The following BRDT variants were observed in gnomAD, a reference collection of about 807,000 sequenced individuals.
BRDT encodes the protein bromodomain testis associated.
Under a neutral mutation model 113.9 loss-of-function variants are expected in BRDT, and 77 were observed. That is an observed-to-expected ratio of 0.68 (90% CI 0.56 to 0.82). The LOEUF (loss-of-function observed/expected upper bound fraction) is 0.82, where lower values mean the gene tolerates loss of function less well. BRDT is among the 40% of genes least tolerant of loss of function. BRDT has a pLI of 0.00. For missense variants in BRDT, 1,027 were observed against 1,105.4 expected (o/e 0.93, Z 1.01); for synonymous variants, 358 against 366.5 (o/e 0.98, Z 0.26).
intron 8 of BRDT, among the ~76,000 whole-genome samples, chr1:91,980,376 A>C (rs1684603354): frequency 6.6e-6 from 1 of 152,226 alleles, no homozygotes; most frequent in Non-Finnish European, 1.5e-5. Flanking sequence ...CAAAAAACTT[A>C]AGACCACCTG....
At chr1:91,990,660 C>T (rs1336903732) in intron 12 of BRDT, among the ~76,000 whole-genome samples, 1 of 152,138 alleles carries the variant, frequency 6.6e-6, no homozygotes, top group Non-Finnish European at 1.5e-5. Flanking sequence ...GACATTTACT[C>T]TACTATAGGA....
rs781412262 is a variant in BRDT, at chr1:92,005,124, T to G, written c.2600T>G (p.Leu867Arg). ...LKASQENQRD[L>R]GNGLTVESFS... ...CTATACTTTTTTTCTTTAAGGGATCTTGGGAATGGATTGACTGTAGAATCT... is the reference window on the plus strand; with the variant it reads ...CTATACTTTTTTTCTTTAAGGGATCGTGGGAATGGATTGACTGTAGAATCT... The change falls in exon 18 of 19, where the codon CTT (leucine) becomes CGT (arginine). Residue 867 changes from leucine (L) to arginine (R), a missense_variant. Transcript: ENST00000399546. 4.1e-6 allele frequency: 6 copies of G among 1,480,554 alleles called. No homozygotes were observed. The South Asian group carries it at 8.9e-5, about 22-fold the overall frequency. 91.7% of individuals were successfully genotyped at this position (1,480,554 alleles called of 1,614,324 possible). A position where few individuals can be genotyped will look rare whatever the true frequency, so the allele number is the denominator to read the frequency against.
At chr1:91,984,456 C>T (rs919126331) in intron 12 of BRDT, among the ~76,000 whole-genome samples, 2 of 152,058 alleles carry the variant, frequency 1.3e-5, no homozygotes, top group Admixed American at 6.5e-5. Context: ...TAGTAACATT[C>T]TCAAGGAACA....
At chr1:91,964,525 C>T (rs1032648385) in intron 2 of BRDT, 102 bp from the exon 3 acceptor site, 18 of 703,940 alleles carry the variant, frequency 2.6e-5, no homozygotes, top group Non-Finnish European at 3.5e-5. Context: ...TAATCAGTTG[C>T]TCTCTCTAGT....
intron 1 of BRDT, among the ~76,000 whole-genome samples, chr1:91,955,126 C>T (rs1016635336): frequency 1.3e-5 from 2 of 152,088 alleles, no homozygotes; most frequent in South Asian, 2.1e-4. Flanking sequence ...AGCATGTTTA[C>T]TTCTGACACT....
At chr1:91,978,061 GTT>G in intron 6 of BRDT, 105 bp from the exon 7 acceptor site, 1 of 1,108,812 alleles carries the variant, frequency 9.0e-7, no homozygotes, top group East Asian at 2.6e-5. Context: ...GTGGACAACT[GTT>G]TTCTGTATAT....
At position 91,991,197 on chromosome 1, in the gene BRDT, G is replaced by A. The variant is rs914439542; in HGVS notation, c.2016G>A (p.Lys672=). 11 of 1,536,678 alleles carry A rather than the reference G, an allele frequency of 7.2e-6. No homozygotes were observed. In the African/African-American group the frequency reaches 1.5e-4, roughly 21 times the overall value. The part of the protein sequence containing the change: ...SSDSESEMFP[K]FTEVKPNDSP... ...ATACATTTGCAGAAATGTTCCCTAA[G>A]TTTACAGAAGTAAAACCAAATGATT... Residue 672 remains lysine (K), a synonymous_variant, in exon 13 of 19, where the codon AAG becomes AAA. Coordinates refer to ENST00000399546, the MANE Select transcript of BRDT (RefSeq NM_207189.4).
intron 7 of BRDT, among the ~76,000 whole-genome samples, chr1:91,978,723 C>G (rs752613849): frequency 6.6e-6 from 1 of 151,986 alleles, no homozygotes; most frequent in Non-Finnish European, 1.5e-5. Flanking sequence ...TGTGCTGGCC[C>G]GGCGCGGTGG....
At chr1:91,976,170 T>C in intron 4 of BRDT, 96 bp from the exon 5 acceptor site, 1 of 1,283,896 alleles carries the variant, frequency 7.8e-7, no homozygotes, top group Non-Finnish European at 1.0e-6. Flanking sequence ...CTTATATTGC[T>C]AAAAAGCTGA....
intron 4 of BRDT, among the ~76,000 whole-genome samples, chr1:91,971,900 C>T (rs756172146): frequency 6.6e-6 from 1 of 151,996 alleles, no homozygotes; most frequent in African/African-American, 2.4e-5. Context: ...TTTCTTGGAT[C>T]ATTAATCTCT....
chr1:91,994,279 T>C lies in BRDT; in HGVS notation c.2287+25T>C, dbSNP rs768714737. ...GGTAAGAAATTAACAAGTAAACAACTGTTATTGAGAAATTGACTTCTAAAC... is the reference window on the plus strand; with the variant it reads ...GGTAAGAAATTAACAAGTAAACAACCGTTATTGAGAAATTGACTTCTAAAC... On this transcript the variant is annotated intron_variant, in intron 15 of 18. Transcript: ENST00000399546. 5 of 1,552,036 alleles carry C rather than the reference T, an allele frequency of 3.2e-6. No homozygotes were observed. The East Asian group carries it at 9.1e-5, about 28-fold the overall frequency.
At chr1:91,963,028 T>C (rs1343726899) in intron 2 of BRDT, 82 bp downstream of exon 2, 3 of 1,178,816 alleles carry the variant, frequency 2.5e-6, no homozygotes, top group Admixed American at 2.6e-5. Context: ...TCTTTAATAT[T>C]ATAAAACATA....
chr1:91,952,351 A>T (rs1302989619), intron 1 of BRDT: 1 of 152,230 alleles, frequency 6.6e-6, no homozygotes, highest in African/African-American at 2.4e-5. Flanking sequence ...GGGTGGAGAG[A>T]GAGGCCACAG....
In BRDT at chr1:92,008,978, G is replaced by A. The variant is rs1409840387; in HGVS notation, c.2775+3679G>A. Among the ~76,000 whole-genome samples the A allele has an allele frequency of 2.0e-5, 3 of 152,260 alleles. No homozygotes were observed. The East Asian group carries it at 5.8e-4, about 29-fold the overall frequency. On this transcript the variant is annotated intron_variant, in intron 18 of 18. Coordinates refer to ENST00000399546, the MANE Select transcript of BRDT (RefSeq NM_207189.4). The stretch of plus-strand genomic sequence containing the variant: ...CTCACCTTTTGTGGTGAGAACACTT[G>A]AAATCTATTCTTTAGTAATTTTTTA...
At chr1:91,963,685 A>T (rs1406333936) in intron 2 of BRDT, among the ~76,000 whole-genome samples, 1 of 152,048 alleles carries the variant, frequency 6.6e-6, no homozygotes, top group Non-Finnish European at 1.5e-5. Context: ...ATTTTATTCT[A>T]TGGAGTCAGA....
chr1:91,992,011 AAAAAAAAGAAAAG>A (rs1464491427), intron 13 of BRDT, among the ~76,000 whole-genome samples: 2 of 150,114 alleles, frequency 1.3e-5, no homozygotes, highest in Non-Finnish European at 3.0e-5. Context: ...AAAAAAAAAA[AAAAAAAAGAAAAG>A]AAAAAGAAAA....
intron 6 of BRDT, 39 bp from the exon 7 acceptor site, chr1:91,978,129 T>A: frequency 6.5e-7 from 1 of 1,547,554 alleles, no homozygotes; most frequent in South Asian, 1.1e-5. Context: ...ATTATTGAAT[T>A]GAACTATTTG....
At chr1:91,953,152 A>C (rs1380201581) in intron 1 of BRDT, among the ~76,000 whole-genome samples, 1 of 145,692 alleles carries the variant, frequency 6.9e-6, no homozygotes, top group African/African-American at 2.6e-5. Flanking sequence ...CTCTGGCCCA[A>C]ATTGAAGCCT....
chr1:91,968,542 CTGT>C (rs1189290686), intron 4 of BRDT, among the ~76,000 whole-genome samples: 24 of 152,132 alleles, frequency 1.6e-4, no homozygotes, highest in African/African-American at 5.3e-4. Flanking sequence ...GCTGTTACTG[CTGT>C]TTTCAGTGGA....
Sources: allele counts gnomAD v4.1 joint callset (sites outside exome capture counted in the v4.1 genomes callset), GRCh38; gene constraint gnomAD v4.1.1; transcripts MANE v1.5; gene names NCBI Gene and HGNC (gene_info 2026-07-23, HGNC 2026-07-21).